The following CDH2 variants were observed in gnomAD, a reference collection of about 807,000 sequenced individuals.
CDH2 encodes cadherin 2.
CDH2 carries 17 observed loss-of-function variants against 92.0 expected under a neutral mutation model. The ratio of observed to expected loss-of-function variants is 0.18; its 90% CI spans 0.13 to 0.28. The LOEUF (loss-of-function observed/expected upper bound fraction) is 0.28, where lower values mean the gene tolerates loss of function less well. Among genes scored for constraint, CDH2 ranks in the 10% least tolerant of loss-of-function variants. CDH2 has a pLI of 1.00. For missense variants in CDH2, 862 were observed against 1,133.1 expected, an observed-to-expected ratio of 0.76 and a Z score of 3.44; for synonymous variants, 419 against 415.9, an observed-to-expected ratio of 1.01 and a Z score of -0.09.
chr18:28,072,260 C>A (rs1169950051), intron 2 of CDH2, among the ~76,000 whole-genome samples: 1 of 152,144 alleles, frequency 6.6e-6, no homozygotes, highest in East Asian at 1.9e-4. Context: ...ATAAAAAGCC[C>A]TTTCCTAATC....
chr18:28,001,958 T>G (rs546838542), intron 7 of CDH2, among the ~76,000 whole-genome samples: 1 of 152,332 alleles, frequency 6.6e-6, no homozygotes, highest in African/African-American at 2.4e-5. Flanking sequence ...ATACATAATC[T>G]AAGTCTCATT....
chr18:28,073,593 T>C (rs983848269), intron 2 of CDH2, among the ~76,000 whole-genome samples: 1 of 152,180 alleles, frequency 6.6e-6, no homozygotes, highest in Non-Finnish European at 1.5e-5. Flanking sequence ...CTTAGCTTAC[T>C]AAAGGCAGAT....
At chr18:28,142,784 C>G (rs566255593) in intron 2 of CDH2, among the ~76,000 whole-genome samples, 14 of 152,006 alleles carry the variant, frequency 9.2e-5, no homozygotes, top group African/African-American at 3.4e-4. Flanking sequence ...TATTTTAAAA[C>G]ATTTACACAT....
chr18:28,145,932 G>A (rs1598506769), intron 2 of CDH2, among the ~76,000 whole-genome samples: 1 of 152,054 alleles, frequency 6.6e-6, no homozygotes, highest in Middle Eastern at 3.4e-3. Context: ...CTGATGGCTA[G>A]AGCACAAAGT....
intron 14 of CDH2, among the ~76,000 whole-genome samples, chr18:27,969,146 G>A (rs916584854): frequency 7.2e-5 from 11 of 152,182 alleles, no homozygotes; most frequent in Non-Finnish European, 1.3e-4. Flanking sequence ...AGATTCCATG[G>A]ATTATCACAG....
rs528574346 is a variant in CDH2 at position 27,954,190 on chromosome 18, T to C, written c.2515-1831A>G. Among the ~76,000 whole-genome samples the C allele has an allele frequency of 3.2e-4, 48 of 152,224 alleles. 1 individual carries two copies. The highest frequency in any genetic ancestry group is 1.3e-4 in the Non-Finnish European group (9 of 68,042). On this transcript the variant is annotated intron_variant, in intron 15 of 15. Coordinates refer to ENST00000269141, the MANE Select transcript of CDH2 (RefSeq NM_001792.5). ...ATAAATAACTTTAGATAGGATTTTA[T>C]CTTATTTTTAGACTAAGCTACAAGG...
intron 6 of CDH2, among the ~76,000 whole-genome samples, chr18:27,937,083 TC>T (rs1041537839): frequency 6.6e-6 from 1 of 152,206 alleles, no homozygotes; most frequent in African/African-American, 2.4e-5. Flanking sequence ...TCCTCAAATT[TC>T]ATTTTATTTC....
At chr18:28,126,227 A>C in intron 2 of CDH2, among the ~76,000 whole-genome samples, 1 of 152,324 alleles carries the variant, frequency 6.6e-6, no homozygotes, top group Admixed American at 6.5e-5. Flanking sequence ...ATTACCAAAT[A>C]GATATATGGA....
In CDH2 at chr18:28,052,742, C is replaced by T. The variant is rs536250274; in HGVS notation, c.173-38833G>A. On this transcript the variant is annotated intron_variant, in intron 2 of 15. Transcript: ENST00000269141. The stretch of plus-strand genomic sequence containing the variant: ...AGGTGTGCCTACCTGCTCAATATCA[C>T]GAAACAGTTCATTGAAACAAGATGC... Among the ~76,000 whole-genome samples, 6 of 152,238 alleles carry T rather than the reference C, an allele frequency of 3.9e-5. No homozygotes were observed. The East Asian group carries it at 5.8e-4, about 15-fold the overall frequency.
At chr18:28,041,500 A>G (rs2013946486) in intron 2 of CDH2, among the ~76,000 whole-genome samples, 1 of 152,232 alleles carries the variant, frequency 6.6e-6, no homozygotes, top group Non-Finnish European at 1.5e-5. Flanking sequence ...GGCAATGTGC[A>G]AAGATGAACA....
At chr18:28,153,749 AATGAGTTAAT>A (rs1300284315) in intron 1 of CDH2, among the ~76,000 whole-genome samples, 3 of 152,220 alleles carry the variant, frequency 2.0e-5, no homozygotes, top group African/African-American at 7.2e-5. Context: ...GAGAGGATTA[AATGAGTTAAT>A]ATGTGTAAAG....
chr18:28,020,279 T>C (rs1270817458), intron 2 of CDH2, among the ~76,000 whole-genome samples: 1 of 152,082 alleles, frequency 6.6e-6, no homozygotes, highest in African/African-American at 2.4e-5. Flanking sequence ...TACAGAATCT[T>C]AGGTATACCA....
At chr18:28,062,025 C>A (rs1230913214) in intron 2 of CDH2, among the ~76,000 whole-genome samples, 2 of 152,120 alleles carry the variant, frequency 1.3e-5, no homozygotes, top group East Asian at 3.9e-4. Context: ...TTGTACACAG[C>A]CCTCATTCCT....
At chr18:28,011,440 C>T (rs2013095993) in intron 4 of CDH2, among the ~76,000 whole-genome samples, 2 of 152,050 alleles carry the variant, frequency 1.3e-5, no homozygotes, top group African/African-American at 2.4e-5. Context: ...ACAATGATTG[C>T]CCTTTATTTT....
chr18:28,152,752 A>C (rs991840321), intron 1 of CDH2, among the ~76,000 whole-genome samples: 7 of 152,162 alleles, frequency 4.6e-5, no homozygotes, highest in African/African-American at 1.7e-4. Context: ...CTGACAGAGA[A>C]TTCTCTGATA....
At chr18:28,003,428 A>T (rs1453277519) in intron 6 of CDH2, among the ~76,000 whole-genome samples, 2 of 152,342 alleles carry the variant, frequency 1.3e-5, no homozygotes, top group East Asian at 3.9e-4. Flanking sequence ...AACTTAGAAG[A>T]TAAATTCACT....
chr18:28,071,345 C>T (rs973390150), intron 2 of CDH2, among the ~76,000 whole-genome samples: 2 of 151,996 alleles, frequency 1.3e-5, no homozygotes, highest in African/African-American at 4.8e-5. Flanking sequence ...AATGCAGGTG[C>T]GTACTAGTCA....
At chr18:28,000,618 T>TGGAAA (rs1287651539) in intron 7 of CDH2, among the ~76,000 whole-genome samples, 1 of 151,848 alleles carries the variant, frequency 6.6e-6, no homozygotes, top group Non-Finnish European at 1.5e-5. Context: ...GGACATGAAA[T>TGGAAA]GGAAAGGCCA....
intron 11 of CDH2, among the ~76,000 whole-genome samples, chr18:27,988,024 C>T (rs1467255097): frequency 6.6e-6 from 1 of 151,932 alleles, no homozygotes. Context: ...AGCAGAGACT[C>T]AGAAAGGAAA....
Sources: allele counts gnomAD v4.1 joint callset (sites outside exome capture counted in the v4.1 genomes callset), GRCh38; gene constraint gnomAD v4.1.1; transcripts MANE v1.5; gene names NCBI Gene and HGNC (gene_info 2026-07-23, HGNC 2026-07-21).